Variants in SCRIB observed in about 807,000 individuals in gnomAD.
SCRIB encodes the protein protein scribble homolog.
SCRIB carries 72 observed loss-of-function variants against 170.0 expected under a neutral mutation model. That is an observed-to-expected ratio of 0.42 (90% CI 0.35 to 0.52). SCRIB has a LOEUF of 0.52. SCRIB is among the 20% of genes least tolerant of loss of function. SCRIB has a pLI of 0.02. For missense variants in SCRIB, 2,475 were observed against 2,338.5 expected, an observed-to-expected ratio of 1.06 and a Z score of -1.20; for synonymous variants, 1,298 against 1,044.3, an observed-to-expected ratio of 1.24 and a Z score of -4.68.
rs202224360 is a variant in SCRIB, at chr8:143,808,787, T to A, written c.1937A>T (p.His646Leu). The change falls in exon 15 of 37, where the codon CAC (histidine) becomes CTC (leucine). Residue 646 changes from histidine (H) to leucine (L), a missense_variant. This residue lies in a region of SCRIB where 1,966 missense variants were observed against 1,742.9 expected (regional missense o/e 1.13). Coordinates refer to ENST00000356994, the MANE Select transcript of SCRIB (RefSeq NM_182706.5). ...GEGPVAPGGW[H>L]NGPHAPWAPR... The stretch of plus-strand genomic sequence containing the variant: ...AGCCCAGGGTGCGTGGGGGCCATTG[T>A]GCCAGCCCCCGGGAGCCACAGGGCC... The A allele has an allele frequency of 2.4e-4, 379 of 1,611,458 alleles. No homozygotes were observed. The highest frequency in any genetic ancestry group is 2.5e-4 in the Non-Finnish European group (295 of 1,178,780).
chr8:143,792,266 G>A lies in SCRIB; in HGVS notation c.4468C>T (p.Leu1490Phe), dbSNP rs782291673. 1.5e-5 allele frequency: 23 copies of A among 1,571,546 alleles called. No homozygotes were observed. Among genetic ancestry groups the A allele is most frequent in the Non-Finnish European group, 3.4e-6 (4 of 1,166,056 alleles). The change falls in exon 32 of 37, where the codon CTC (leucine) becomes TTC (phenylalanine). Residue 1490 changes from leucine (L) to phenylalanine (F), a missense_variant. Leu to Phe is a conservative substitution (Grantham distance 22, BLOSUM62 0). Transcript: ENST00000356994. Reference protein sequence around the residue: ...APERALSPAELRALEAEKRAL... With the variant: ...APERALSPAEFRALEAEKRAL... ...CGCTTCTCGGCCTCCAGGGCCCGGA[G>A]CTCGGCAGGGGACAGGGCACGCTCG...
At position 143,810,706 on chromosome 8, in the gene SCRIB, C is replaced by G; in HGVS notation, c.1384G>C (p.Glu462Gln). The G allele has an allele frequency of 2.5e-6, 4 of 1,604,022 alleles. No homozygotes were observed. The highest frequency in any genetic ancestry group is 3.4e-6 in the Non-Finnish European group (4 of 1,173,300). The change falls in exon 12 of 37, where the codon GAA becomes CAA. Residue 462 changes from glutamate (E) to glutamine (Q), a missense_variant. Physicochemically the swap from Glu to Gln is conservative, Grantham distance 29. Coordinates refer to ENST00000356994, the MANE Select transcript of SCRIB (RefSeq NM_182706.5). ...EAPIGDEDAEEAAAEKRGLQR... is the reference protein window; with the variant it reads ...EAPIGDEDAEQAAAEKRGLQR... ...CATACCCGCTTCTCAGCTGCAGCTT[C>G]CTCAGCGTCCTCATCACCTATGGGG...
chr8:143,799,841 G>A (rs759747817), intron 24 of SCRIB, among the ~76,000 whole-genome samples: 2 of 151,996 alleles, frequency 1.3e-5, no homozygotes, highest in African/African-American at 2.4e-5. Flanking sequence ...AGACAAACAC[G>A]GGCCACTGCT....
chr8:143,813,088 G>A lies in SCRIB; in HGVS notation c.584C>T (p.Ala195Val). 1 of 1,580,190 alleles carries A rather than the reference G, an allele frequency of 6.3e-7. No individual in the cohort carries two copies. The highest frequency in any genetic ancestry group is 8.6e-7 in the Non-Finnish European group (1 of 1,161,680). ...CCACAGCTCCCGAAGATTGGGCAGA[G>A]CCCCCAGAGTGTCTGGCTGCAAGAA... ...DLEVLPDTLG[A>V]LPNLRELWLD... is the part of the protein sequence containing the mutation. Residue 195 changes from alanine to valine, a missense_variant, in exon 7 of 37, where the codon GCT becomes GTT. Around this residue, in one of 3 missense-constraint regions of SCRIB, gnomAD observed 487 missense variants for 558.1 expected, o/e 0.87. Coordinates refer to ENST00000356994, the MANE Select transcript of SCRIB (RefSeq NM_182706.5).
Position 143,808,832 on chromosome 8 carries a change from C to A in SCRIB, c.1892G>T (p.Gly631Val). The change falls in exon 15 of 37, where the codon GGC becomes GTC. Residue 631 changes from glycine (G) to valine (V), a missense_variant. By Grantham distance (109) the Gly-to-Val change is moderately radical. Transcript: ENST00000356994. ...AGGGCCCTCCCCATCAGGCTGCATGCCCTGCAGCAGAGCCACAACGGCCTC... is the reference window on the plus strand; with the variant it reads ...AGGGCCCTCCCCATCAGGCTGCATGACCTGCAGCAGAGCCACAACGGCCTC... ...QPEAVVALLQ[G>V]MQPDGEGPVA... is the part of the protein sequence containing the mutation. The A allele has an allele frequency of 6.2e-7, 1 of 1,611,548 alleles. No homozygotes were observed. Among genetic ancestry groups the A allele is most frequent in the Non-Finnish European group, 8.5e-7 (1 of 1,179,772 alleles).
rs1816072583 is a variant in SCRIB, at chr8:143,815,768, G to A, written c.-396C>T. The A allele has an allele frequency of 3.0e-6, 3 of 983,944 alleles. No homozygotes were observed. The highest frequency in any genetic ancestry group is 1.8e-5 in the African/African-American group (1 of 56,958). 61.0% of individuals were successfully genotyped at this position (983,944 alleles called of 1,614,324 possible). On this transcript the variant is annotated 5_prime_UTR_variant, in exon 1 of 37. Transcript: ENST00000356994. ...CCGCCGCGCAGCCCGTCGGGAAGCC[G>A]AGTCCGGCCCTCGCCGCCTAGCACG...
In SCRIB at chr8:143,812,833, C is replaced by T. The variant is rs1350994738; in HGVS notation, c.771G>A (p.Arg257=). 8 of 1,601,648 alleles carry T rather than the reference C, an allele frequency of 5.0e-6. No homozygotes were observed. Among genetic ancestry groups the T allele is most frequent in the South Asian group, 3.3e-5 (3 of 91,054 alleles). ...CACACTAACCGATGCCGTCGGGCAG[C>T]CTCCGCAGCAGGTTCTGGGACAGCA... ...DLLLSQNLLR[R]LPDGIGQLKQ... The change falls in exon 8 of 37, where the codon AGG becomes AGA. Residue 257 remains arginine, a synonymous_variant. Transcript: ENST00000356994.
Position 143,803,403 on chromosome 8 carries a change from T to C in SCRIB, c.3583A>G (p.Ser1195Gly). 6.3e-7 allele frequency: 1 copy of C among 1,586,202 alleles called. No homozygotes were observed. Residue 1195 changes from serine (S) to glycine (G), a missense_variant, in exon 24 of 37, where the codon AGC (serine) becomes GGC (glycine). Physicochemically the swap from Ser to Gly is moderately conservative, Grantham distance 56 (BLOSUM62 0). This residue lies in a region of SCRIB where 1,966 missense variants were observed against 1,742.9 expected (regional missense o/e 1.13). Transcript: ENST00000356994. ...TVLVCDGFEA[S>G]TDAALEVSPG... is the part of the protein sequence containing the mutation. ...CTAACCTCCAGGGCTGCGTCGGTGC[T>C]GGCCTCAAAGCCGTCACAGACCAGC...
Position 143,812,914 on chromosome 8 carries a change from G to A in SCRIB, c.690C>T (p.Asn230=), listed in dbSNP as rs1355538650. The A allele has an allele frequency of 6.2e-7, 1 of 1,612,394 alleles. No individual in the cohort carries two copies. Among genetic ancestry groups the A allele is most frequent in the Non-Finnish European group, 8.5e-7 (1 of 1,179,902 alleles). Residue 230 remains asparagine, a synonymous_variant, in exon 8 of 37, where the codon AAC becomes AAT. Coordinates refer to ENST00000356994, the MANE Select transcript of SCRIB (RefSeq NM_182706.5). The part of the protein sequence containing the change: ...RRLVCLDVSE[N]RLEELPAELG... ...GCTCAGCAGGCAGCTCCTCCAGCCG[G>A]TTTTCCGACACGTCCAGGCACACCA...
At chr8:143,793,733 C>T in intron 28 of SCRIB, 167 bp downstream of exon 28, 1 of 626,908 alleles carries the variant, frequency 1.6e-6, no homozygotes, top group African/African-American at 1.8e-5. Flanking sequence ...GCGTCCCTGG[C>T]CTTCCTCACA....
In SCRIB at chr8:143,810,737, C is replaced by G; in HGVS notation, c.1353G>C (p.Leu451=). The stretch of plus-strand genomic sequence containing the variant: ...CGTCCTCATCACCTATGGGGGCCTC[C>G]AGGAACTGGATGACGCTGACGCGGC... ...PPSRVSVIQF[L]EAPIGDEDAE... is the part of the protein sequence containing the mutation. The change falls in exon 12 of 37, where the codon CTG becomes CTC. Residue 451 remains leucine, a synonymous_variant. Transcript: ENST00000356994. The G allele has an allele frequency of 6.2e-7, 1 of 1,609,218 alleles. No homozygotes were observed. Among genetic ancestry groups the G allele is most frequent in the Non-Finnish European group, 8.5e-7 (1 of 1,177,932 alleles).
At chr8:143,807,644 G>C (rs782727393) in intron 15 of SCRIB, 30 bp from the exon 16 acceptor site, 2 of 1,589,718 alleles carry the variant, frequency 1.3e-6, no homozygotes, top group African/African-American at 1.3e-5. Context: ...GAGGCATGCA[G>C]GTTAGCCACC....
Position 143,815,204 on chromosome 8 carries a change from G to T in SCRIB, c.159+10C>A. ...GCGCCTTTGGGCGGCAGGTGCGGGC[G>T]GCCGCTCACCTTGGGCAGCTCGCGC... On this transcript the variant is annotated intron_variant, in intron 1 of 36. Coordinates refer to ENST00000356994, the MANE Select transcript of SCRIB (RefSeq NM_182706.5). The T allele has an allele frequency of 1.3e-6, 2 of 1,560,108 alleles. No individual in the cohort carries two copies. The highest frequency in any genetic ancestry group is 8.6e-7 in the Non-Finnish European group (1 of 1,159,982).
At chr8:143,794,316 C>T in intron 27 of SCRIB, 1 of 294,576 alleles carries the variant, frequency 3.4e-6, no homozygotes, top group Non-Finnish European at 6.5e-6. Flanking sequence ...TGGTGTGCAG[C>T]CCTCAGGGCT....
At chr8:143,812,998 C>T (rs200654758) in intron 7 of SCRIB, 32 bp downstream of exon 7, 215 of 1,610,574 alleles carry the variant, frequency 1.3e-4, no homozygotes, top group Non-Finnish European at 1.7e-4. Flanking sequence ...CGGATGGGCA[C>T]GAAGCAGGGG....
Position 143,792,956 on chromosome 8 carries a change from G to T in SCRIB, c.4017+20C>A. The T allele has an allele frequency of 6.7e-7, 1 of 1,499,330 alleles. No homozygotes were observed. 92.9% of individuals were successfully genotyped at this position (1,499,330 alleles called of 1,614,324 possible). A position where few individuals can be genotyped will look rare whatever the true frequency, so the allele number is the denominator to read the frequency against. The stretch of plus-strand genomic sequence containing the variant: ...CCACCCCAACCACGCGCAGCAGGGA[G>T]GCGTGCTGCCCCCACACACCTGGGC... On this transcript the variant is annotated intron_variant, in intron 29 of 36. Coordinates refer to ENST00000356994, the MANE Select transcript of SCRIB (RefSeq NM_182706.5).
chr8:143,793,919 C>T lies in SCRIB; in HGVS notation c.3890G>A (p.Cys1297Tyr). 6.2e-7 allele frequency: 1 copy of T among 1,613,540 alleles called. No individual in the cohort carries two copies. The highest frequency in any genetic ancestry group is 8.5e-7 in the Non-Finnish European group (1 of 1,179,722). Residue 1297 changes from cysteine (C) to tyrosine (Y), a missense_variant, in exon 28 of 37, where the codon TGC becomes TAC. By Grantham distance (194) the Cys-to-Tyr change is radical. Coordinates refer to ENST00000356994, the MANE Select transcript of SCRIB (RefSeq NM_182706.5). ...AAGGKMAESP[C>Y]SPSGQQPPSP... ...ACTCACCTGCTGGCCACTAGGGGAGCAGGGAGATTCAGCCATCTTCCCTCC... is the reference window on the plus strand; with the variant it reads ...ACTCACCTGCTGGCCACTAGGGGAGTAGGGAGATTCAGCCATCTTCCCTCC...
chr8:143,793,500 T>G (rs1814805603), intron 28 of SCRIB: 2 of 291,160 alleles, frequency 6.9e-6, no homozygotes, highest in Admixed American at 4.8e-5. Context: ...GAGCTGGGGC[T>G]GGGTCTCATG....
At chr8:143,801,710 G>A (rs990555777) in intron 24 of SCRIB, among the ~76,000 whole-genome samples, 15 of 152,194 alleles carry the variant, frequency 9.9e-5, no homozygotes, top group Non-Finnish European at 1.9e-4. Flanking sequence ...TGGGAAAGAG[G>A]TAGCAGTGAC....
Sources: allele counts gnomAD v4.1 joint callset (sites outside exome capture counted in the v4.1 genomes callset), GRCh38; gene constraint gnomAD v4.1.1; regional missense constraint gnomAD v4.1.1; transcripts MANE v1.5; gene names NCBI Gene and HGNC (gene_info 2026-07-23, HGNC 2026-07-21).